Variants in KLF16 observed in about 807,000 individuals in gnomAD.
KLF16 encodes KLF transcription factor 16.
Under a neutral mutation model 6.1 loss-of-function variants are expected in KLF16, and 6 were observed. That is an observed-to-expected ratio of 0.98 (90% CI 0.54 to 1.93). The LOEUF is 1.93. KLF16 is among the 30% of genes most tolerant of loss of function. The pLI is 0.01. For missense variants in KLF16, 355 were observed against 363.8 expected (o/e 0.98, Z 0.20); for synonymous variants, 211 against 176.5 (o/e 1.20, Z -1.55).
chr19:1,856,988 G>T (rs948923021), intron 1 of KLF16, among the ~76,000 whole-genome samples: 3 of 140,896 alleles, frequency 2.1e-5, no homozygotes, highest in Admixed American at 2.1e-4. Flanking sequence ...GCGCGCAGCC[G>T]CTGGGAACAC....
At chr19:1,865,788 A>G (rs1210564991), upstream of KLF16, among the ~76,000 whole-genome samples, 2 of 152,186 alleles carry the variant, frequency 1.3e-5, no homozygotes, top group Non-Finnish European at 2.9e-5. Context: ...CAGGCAACCC[A>G]TGACCCCTGC....
chr19:1,865,316 G>C (rs892152185), upstream of KLF16, among the ~76,000 whole-genome samples: 5 of 152,228 alleles, frequency 3.3e-5, no homozygotes, highest in Admixed American at 3.3e-4. Context: ...CTGGGCCTCT[G>C]TTGTCTTTGA....
chr19:1,863,878 G>A (rs2012132051), upstream of KLF16, among the ~76,000 whole-genome samples: 1 of 147,376 alleles, frequency 6.8e-6, no homozygotes, highest in Admixed American at 6.7e-5. Context: ...TAGGCCCGGA[G>A]CGCGCCTTCT....
upstream of KLF16, among the ~76,000 whole-genome samples, chr19:1,865,373 C>T (rs1002487336): frequency 9.8e-5 from 15 of 152,358 alleles, no homozygotes; most frequent in African/African-American, 3.6e-4. Context: ...AGGTCCCCAC[C>T]ATCCCAGCAG....
chr19:1,876,170 G>GCCGCACGCACGCCGCCACTT, the KLF16 span: 1 of 152,826 alleles, frequency 6.5e-6, no homozygotes, highest in Non-Finnish European at 1.5e-5. Flanking sequence ...CGTCTCCACT[G>GCCGCACGCACGCCGCCACTT]CCGCACGCAC....
At chr19:1,863,736 G>A (rs2012127125), upstream of KLF16, among the ~76,000 whole-genome samples, 1 of 141,700 alleles carries the variant, frequency 7.1e-6, no homozygotes, top group African/African-American at 2.5e-5. Context: ...TCGGGGCGCC[G>A]CAGCCACGCC....
At chr19:1,869,366 G>T in the KLF16 span, among the ~76,000 whole-genome samples, 1 of 152,116 alleles carries the variant, frequency 6.6e-6, no homozygotes, top group Admixed American at 6.5e-5. Flanking sequence ...TGTAATCCCA[G>T]CTACTCAGGA....
chr19:1,871,999 C>T, the KLF16 span, among the ~76,000 whole-genome samples: 3 of 152,152 alleles, frequency 2.0e-5, no homozygotes, highest in Admixed American at 6.5e-5. Flanking sequence ...GGGCCAGGGC[C>T]GGGGATTTTA....
chr19:1,869,763 C>T, the KLF16 span, among the ~76,000 whole-genome samples: 2 of 151,998 alleles, frequency 1.3e-5, no homozygotes, highest in Non-Finnish European at 2.9e-5. Flanking sequence ...CACACCGCCA[C>T]GCCCGGCTAA....
intron 1 of KLF16, chr19:1,862,825 C>G (rs2012095944): frequency 3.0e-6 from 1 of 337,324 alleles, no homozygotes. Context: ...CCGCCACTGC[C>G]GCCGGGGCGG....
chr19:1,854,746 C>T lies in KLF16; in HGVS notation c.472G>A (p.Ala158Thr). Residue 158 changes from alanine (A) to threonine (T), a missense_variant, in exon 2 of 2, where the codon GCT (alanine) becomes ACT (threonine). Ala to Thr is a moderately conservative substitution (Grantham distance 58). Coordinates refer to ENST00000250916, the MANE Select transcript of KLF16 (RefSeq NM_031918.4). The stretch of plus-strand genomic sequence containing the variant: ...TTGTCGCAGCCCTGCCAGTCACAAG[C>T]AAAAGGGCGTTCCCCTGGACGGAGA... ...LRTHTGERPF[A>T]CDWQGCDKKF... is the part of the protein sequence containing the mutation. The T allele has an allele frequency of 6.3e-7, 1 of 1,598,642 alleles. No individual in the cohort carries two copies. Among genetic ancestry groups the T allele is most frequent in the East Asian group, 2.2e-5 (1 of 44,800 alleles).
upstream of KLF16, among the ~76,000 whole-genome samples, chr19:1,864,868 A>G (rs2012159801): frequency 6.6e-6 from 1 of 152,024 alleles, no homozygotes; most frequent in African/African-American, 2.4e-5. Flanking sequence ...GCCCCTTCCC[A>G]GCTCCGGCGG....
At chr19:1,862,702 G>T in intron 1 of KLF16, 1 of 198,522 alleles carries the variant, frequency 5.0e-6, no homozygotes, top group Non-Finnish European at 1.0e-5. Flanking sequence ...CCACCGCCCA[G>T]ACCAGAACGC....
chr19:1,856,228 TCTCTG>T (rs2011947091), intron 1 of KLF16, among the ~76,000 whole-genome samples: 1 of 151,864 alleles, frequency 6.6e-6, no homozygotes, highest in Non-Finnish European at 1.5e-5. Context: ...CCGAGTGACA[TCTCTG>T]CTCTAAGATC....
At chr19:1,862,748 A>C in intron 1 of KLF16, 4 of 354,474 alleles carry the variant, frequency 1.1e-5, no homozygotes, top group Non-Finnish European at 2.0e-5. Flanking sequence ...AGGCCCAGAA[A>C]GGGAGAGAGG....
chr19:1,852,765 G>A lies in KLF16; in HGVS notation c.*1694C>T, dbSNP rs934195436. 3.3e-5 allele frequency: 5 copies of A among 152,158 alleles called. No homozygotes were observed. In the South Asian group the frequency reaches 8.3e-4, roughly 25 times the overall value. The allele number at this position is 152,158 out of a possible 1,614,324, so 9.4% of individuals were successfully genotyped here. On this transcript the variant is annotated 3_prime_UTR_variant, in exon 2 of 2. Transcript: ENST00000250916. Reference sequence around the variant, plus strand: ...GCATCTCACTAGCGCTGCCAGAAGAGGGTTTGAGGCTAGGGACAGAGAACA... The same window carrying A: ...GCATCTCACTAGCGCTGCCAGAAGAAGGTTTGAGGCTAGGGACAGAGAACA...
chr19:1,875,213 T>G, the KLF16 span: 2 of 152,208 alleles, frequency 1.3e-5, no homozygotes, highest in Admixed American at 1.3e-4. Flanking sequence ...AAAAACGGTT[T>G]GTACAAGCAA....
In KLF16 at chr19:1,853,979, T is replaced by TGGGGTG. The variant is rs200327024; in HGVS notation, c.*474_*479dup. The TGGGGTG allele has an allele frequency of 5.3e-5, 1 of 18,764 alleles. No individual in the cohort carries two copies. Among genetic ancestry groups the TGGGGTG allele is most frequent in the East Asian group, 1.3e-3 (1 of 754 alleles). 1.2% of individuals were successfully genotyped at this position (18,764 alleles called of 1,614,324 possible). ...CCTGAACTACTCCCATGGCTTTCGGTGGGGTGGGGGTGGGGTGGGGAGAGG... is the reference window on the plus strand; with the variant it reads ...CCTGAACTACTCCCATGGCTTTCGGTGGGGTGGGGGTGGGGGTGGGGTGGGGAGAGG... On this transcript the variant is annotated 3_prime_UTR_variant, in exon 2 of 2. Transcript: ENST00000250916.
At chr19:1,859,703 C>T (rs957382452) in intron 1 of KLF16, among the ~76,000 whole-genome samples, 1 of 152,178 alleles carries the variant, frequency 6.6e-6, no homozygotes, top group Non-Finnish European at 1.5e-5. Flanking sequence ...TGCCACCCCC[C>T]ACCCCGCCCC....
Sources: allele counts gnomAD v4.1 joint callset (sites outside exome capture counted in the v4.1 genomes callset), GRCh38; gene constraint gnomAD v4.1.1; transcripts MANE v1.5; gene names NCBI Gene and HGNC (gene_info 2026-07-23, HGNC 2026-07-21).